The following TASP1 variants were observed in gnomAD, a reference collection of about 807,000 sequenced individuals.
The protein encoded by TASP1 is threonine aspartase 1.
TASP1 carries 16 observed loss-of-function variants against 56.6 expected under a neutral mutation model. The observed-to-expected ratio is 0.28, with a 90% CI of 0.19 to 0.43. The LOEUF (loss-of-function observed/expected upper bound fraction) is 0.43. Ranked by LOEUF, TASP1 falls within the 20% of genes least tolerant of loss-of-function variation. The probability of loss-of-function intolerance (pLI) is 1.00; values close to 1 mark genes in which losing one functional copy is unlikely to be tolerated. For synonymous variants in TASP1, 179 were observed against 184.2 expected (o/e 0.97, Z 0.23); for missense variants, 393 against 511.6 (o/e 0.77, Z 2.24).
intron 10 of TASP1, among the ~76,000 whole-genome samples, chr20:13,511,457 G>A (rs867472747): frequency 8.6e-5 from 13 of 151,980 alleles, no homozygotes; most frequent in African/African-American, 1.2e-4. Context: ...TGTAATTTCC[G>A]TTAACTGCAA....
At chr20:13,636,918 C>G (rs1465262186) in intron 1 of TASP1, among the ~76,000 whole-genome samples, 1 of 152,044 alleles carries the variant, frequency 6.6e-6, no homozygotes, top group South Asian at 2.1e-4. Flanking sequence ...AAAAAAAATT[C>G]TAAGTAGATA....
At chr20:13,148,575 A>G in the TASP1 span, among the ~76,000 whole-genome samples, 12 of 152,310 alleles carry the variant, frequency 7.9e-5, no homozygotes, top group East Asian at 2.3e-3. Flanking sequence ...AGGCTACCAC[A>G]TATGCCCATT....
At chr20:13,144,505 T>C in the TASP1 span, among the ~76,000 whole-genome samples, 4 of 152,324 alleles carry the variant, frequency 2.6e-5, no homozygotes, top group Middle Eastern at 3.4e-3. Flanking sequence ...TCTATAGATA[T>C]AGAGGCAGAT....
chr20:13,425,684 C>T (rs1423055599), intron 12 of TASP1, among the ~76,000 whole-genome samples: 1 of 152,084 alleles, frequency 6.6e-6, no homozygotes, highest in African/African-American at 2.4e-5. Context: ...TAAGTTACTC[C>T]TTATTGAATA....
At chr20:13,275,514 T>G in the TASP1 span, among the ~76,000 whole-genome samples, 2,250 of 152,316 alleles carry the variant, frequency 0.015, 25 homozygotes, top group Non-Finnish European at 0.02. Context: ...GGCTTGTGTT[T>G]GGGATCAGGC....
chr20:13,622,930 G>A (rs1244032018), intron 4 of TASP1, among the ~76,000 whole-genome samples: 1 of 152,050 alleles, frequency 6.6e-6, no homozygotes, highest in Non-Finnish European at 1.5e-5. Context: ...TATGGCAAAC[G>A]TGAGAGCCTC....
At chr20:13,159,737 C>T in the TASP1 span, among the ~76,000 whole-genome samples, 2 of 152,060 alleles carry the variant, frequency 1.3e-5, no homozygotes, top group African/African-American at 4.8e-5. Flanking sequence ...GTCAAAGACT[C>T]AATATCCACA....
chr20:13,325,380 C>T, the TASP1 span, among the ~76,000 whole-genome samples: 2 of 152,194 alleles, frequency 1.3e-5, no homozygotes, highest in Non-Finnish European at 2.9e-5. Context: ...CATGCTTGCT[C>T]TTCTGGTATC....
intron 2 of TASP1, among the ~76,000 whole-genome samples, chr20:13,626,414 G>C (rs1319991030): frequency 6.6e-6 from 1 of 152,182 alleles, no homozygotes; most frequent in Admixed American, 6.5e-5. Flanking sequence ...GCAACAGAGT[G>C]AGACTTTGAC....
chr20:13,387,176 A>G (rs2057762070), downstream of TASP1, among the ~76,000 whole-genome samples: 1 of 138,946 alleles, frequency 7.2e-6, no homozygotes, highest in Non-Finnish European at 1.5e-5. Flanking sequence ...CAGAGAGGAC[A>G]TGATTTCATT....
the TASP1 span, among the ~76,000 whole-genome samples, chr20:13,243,140 CA>C: frequency 0.29 from 43,795 of 151,934 alleles, 6,567 homozygotes; most frequent in African/African-American, 0.38. Flanking sequence ...TGTCTATTAC[CA>C]AAAAAGAACT....
intron 11 of TASP1, among the ~76,000 whole-genome samples, chr20:13,459,683 TCTG>T (rs1250091491): frequency 5.3e-5 from 8 of 152,122 alleles, no homozygotes; most frequent in African/African-American, 1.9e-4. Flanking sequence ...CCATGGGAAC[TCTG>T]CTGCTGTCTT....
intron 10 of TASP1, among the ~76,000 whole-genome samples, chr20:13,508,888 G>C (rs1855638574): frequency 6.6e-6 from 1 of 152,094 alleles, no homozygotes; most frequent in South Asian, 2.1e-4. Context: ...CACTGTTGGT[G>C]GAATTATAAA....
chr20:13,555,052 C>T (rs182681710), intron 8 of TASP1, among the ~76,000 whole-genome samples: 100 of 152,312 alleles, frequency 6.6e-4, no homozygotes, highest in African/African-American at 2.3e-3. Flanking sequence ...ATTCAACTCT[C>T]AAACCCTGCC....
the TASP1 span, among the ~76,000 whole-genome samples, chr20:13,186,029 A>G: frequency 6.6e-6 from 1 of 152,186 alleles, no homozygotes; most frequent in Non-Finnish European, 1.5e-5. Flanking sequence ...CCTGGAGCAA[A>G]AGCTGTTGAA....
chr20:13,400,154 G>A (rs375041585), intron 13 of TASP1, among the ~76,000 whole-genome samples: 4 of 152,264 alleles, frequency 2.6e-5, no homozygotes, highest in African/African-American at 4.8e-5. Flanking sequence ...AAGTCCTCAA[G>A]TACAGGGATT....
At chr20:13,633,764 G>A (rs565522868) in intron 1 of TASP1, among the ~76,000 whole-genome samples, 2 of 151,542 alleles carry the variant, frequency 1.3e-5, no homozygotes, top group African/African-American at 4.8e-5. Context: ...GCTAACCTTT[G>A]AGGTAACACT....
intron 8 of TASP1, among the ~76,000 whole-genome samples, chr20:13,536,005 C>T (rs1278867423): frequency 6.6e-6 from 1 of 152,148 alleles, no homozygotes; most frequent in African/African-American, 2.4e-5. Context: ...GAGAAATATA[C>T]TTTTAAGAGG....
At chr20:13,514,310 G>C (rs537509479) in intron 10 of TASP1, among the ~76,000 whole-genome samples, 4 of 152,130 alleles carry the variant, frequency 2.6e-5, no homozygotes, top group Admixed American at 6.6e-5. Context: ...AAACATTCTA[G>C]GGCTGGGATA....
Sources: gnomAD v4.1 joint callset for allele counts (sites outside exome capture counted in the v4.1 genomes callset) on GRCh38, gnomAD v4.1.1 for gene constraint, MANE v1.5 for transcripts, NCBI Gene and HGNC (gene_info 2026-07-23, HGNC 2026-07-21) for gene names.